Variants in CPXM2 observed in about 807,000 individuals in gnomAD.
CPXM2 encodes the protein inactive carboxypeptidase-like protein X2.
A neutral mutation model predicts 86.1 loss-of-function variants in CPXM2; 66 were observed. That is an observed-to-expected ratio of 0.77 (90% CI 0.63 to 0.94). The LOEUF (loss-of-function observed/expected upper bound fraction) is 0.94, where lower values mean the gene tolerates loss of function less well. Among genes scored for constraint, CPXM2 ranks in the 40% least tolerant of loss-of-function variants. The pLI is 0.00. For missense variants in CPXM2, 948 were observed against 1,026.3 expected, an observed-to-expected ratio of 0.92 and a Z score of 1.04; for synonymous variants, 388 against 400.2, an observed-to-expected ratio of 0.97 and a Z score of 0.36.
intron 1 of CPXM2, among the ~76,000 whole-genome samples, chr10:123,890,387 C>T (rs369276896): frequency 1.7e-4 from 26 of 152,342 alleles, no homozygotes; most frequent in African/African-American, 6.0e-4. Flanking sequence ...ACCCCTCCTC[C>T]ACTTTCCCAC....
chr10:123,883,282 G>A (rs1237397360), intron 1 of CPXM2, among the ~76,000 whole-genome samples: 2 of 152,374 alleles, frequency 1.3e-5, no homozygotes, highest in East Asian at 3.9e-4. Flanking sequence ...CAGCAGGCAG[G>A]GGCCCAGCAC....
At chr10:123,837,495 C>T (rs1848304069) in intron 4 of CPXM2, among the ~76,000 whole-genome samples, 1 of 152,166 alleles carries the variant, frequency 6.6e-6, no homozygotes, top group Non-Finnish European at 1.5e-5. Flanking sequence ...TCATTAGAAG[C>T]ATCTATTCAC....
At chr10:123,747,126 G>A (rs1845986220) in intron 13 of CPXM2, 109 bp from the exon 14 acceptor site, 1 of 1,334,102 alleles carries the variant, frequency 7.5e-7, no homozygotes, top group Admixed American at 2.3e-5. Context: ...TCTCAGGCTG[G>A]CAACGTGGAA....
Position 123,872,473 on chromosome 10 carries a change from C to G in CPXM2, c.403+7738G>C, listed in dbSNP as rs115347286. ...TGATGAATATTAAGTTCAAAACAGG[C>G]AAAAGTTGTATCTGATGGTGGTTAT... On this transcript the variant is annotated intron_variant, in intron 2 of 13. Coordinates refer to ENST00000241305, the MANE Select transcript of CPXM2 (RefSeq NM_198148.3). 4.2e-3 allele frequency among the ~76,000 whole-genome samples: 646 copies of G among 152,124 alleles called. 3 individuals carry two copies. Among genetic ancestry groups the G allele is most frequent in the African/African-American group, 0.015 (617 of 41,496 alleles).
intron 10 of CPXM2, 46 bp downstream of exon 10, chr10:123,766,927 A>T (rs1314157494): frequency 2.7e-6 from 4 of 1,485,576 alleles, no homozygotes; most frequent in Non-Finnish European, 2.8e-6. Flanking sequence ...ATGGAGGTTA[A>T]GCCTTGCCTT....
chr10:123,847,932 A>T (rs761534190), intron 3 of CPXM2, among the ~76,000 whole-genome samples: 14 of 152,034 alleles, frequency 9.2e-5, no homozygotes, highest in African/African-American at 1.2e-4. Context: ...ACACAGAAAC[A>T]TCTGGAAGCA....
chr10:123,880,152 C>A, intron 2 of CPXM2, 59 bp downstream of exon 2: 1 of 313,408 alleles, frequency 3.2e-6, no homozygotes, highest in Non-Finnish European at 6.3e-6. Flanking sequence ...CTGTACCCAC[C>A]CACCCTCCCT....
At chr10:123,843,326 G>T (rs1453369137) in intron 3 of CPXM2, 1 of 452,272 alleles carries the variant, frequency 2.2e-6, no homozygotes, top group African/African-American at 2.0e-5. Flanking sequence ...TTATCACCAT[G>T]TGAAGAGATA....
At position 123,778,436 on chromosome 10, in the gene CPXM2, T is replaced by C. The variant is rs1047971563; in HGVS notation, c.978+1731A>G. 3.3e-5 allele frequency among the ~76,000 whole-genome samples: 5 copies of C among 152,332 alleles called. 1 individual carries two copies. Among genetic ancestry groups the C allele is most frequent in the Middle Eastern group, 6.8e-3 (2 of 294 alleles). On this transcript the variant is annotated intron_variant, in intron 7 of 13. Coordinates refer to ENST00000241305, the MANE Select transcript of CPXM2 (RefSeq NM_198148.3). ...TCCTGGACAGTCTCTAGTTGATAAC[T>C]GCTGAGCTGTGGGATCGCACAGGGG...
intron 6 of CPXM2, among the ~76,000 whole-genome samples, chr10:123,782,972 A>C (rs544938914): frequency 7.9e-5 from 12 of 152,254 alleles, no homozygotes; most frequent in Non-Finnish European, 1.6e-4. Context: ...GGTAGTCCTC[A>C]GTGCTCATTA....
chr10:123,816,627 C>A (rs546044812), intron 4 of CPXM2, among the ~76,000 whole-genome samples: 3 of 152,198 alleles, frequency 2.0e-5, no homozygotes, highest in Non-Finnish European at 4.4e-5. Flanking sequence ...ATTCCTTGAG[C>A]AAATTAACAC....
chr10:123,795,844 C>T (rs866378364), intron 6 of CPXM2, among the ~76,000 whole-genome samples: 6 of 152,250 alleles, frequency 3.9e-5, no homozygotes, highest in South Asian at 4.1e-4. Context: ...CACGCACACA[C>T]CAAGAATAAC....
intron 4 of CPXM2, among the ~76,000 whole-genome samples, chr10:123,819,016 G>A (rs894809612): frequency 6.6e-6 from 1 of 152,096 alleles, no homozygotes; most frequent in South Asian, 2.1e-4. Context: ...TCCAGAGGGA[G>A]GAATGCTGCC....
At chr10:123,786,325 G>T (rs1166696000) in intron 6 of CPXM2, among the ~76,000 whole-genome samples, 1 of 152,146 alleles carries the variant, frequency 6.6e-6, no homozygotes, top group Non-Finnish European at 1.5e-5. Flanking sequence ...CGGACGGGTG[G>T]CAAAGGCTGC....
At chr10:123,938,091 ACT>A (rs1453466575) in intron 2 of CPXM2, among the ~76,000 whole-genome samples, 1 of 150,546 alleles carries the variant, frequency 6.6e-6, no homozygotes, top group African/African-American at 2.4e-5. Context: ...CCTCTTTCTG[ACT>A]CTCTCTTTAT....
chr10:123,857,589 G>A (rs900483715), intron 3 of CPXM2, among the ~76,000 whole-genome samples: 5 of 141,884 alleles, frequency 3.5e-5, no homozygotes, highest in Admixed American at 2.1e-4. Context: ...GATGGAAGGC[G>A]GCGTGGAGAT....
intron 6 of CPXM2, among the ~76,000 whole-genome samples, chr10:123,784,316 A>T (rs959848271): frequency 6.6e-6 from 1 of 152,166 alleles, no homozygotes; most frequent in African/African-American, 2.4e-5. Flanking sequence ...TGACAGCCCC[A>T]GAAGAAACCA....
chr10:123,770,842 G>A, intron 8 of CPXM2, 74 bp downstream of exon 8: 2 of 1,469,628 alleles, frequency 1.4e-6, no homozygotes, highest in South Asian at 1.3e-5. Context: ...TTCTCATAGG[G>A]TGAACAGTCT....
intron 1 of CPXM2, among the ~76,000 whole-genome samples, chr10:123,880,896 C>T (rs1590096503): frequency 6.7e-6 from 1 of 150,176 alleles, no homozygotes; most frequent in East Asian, 1.9e-4. Context: ...TCACTGAGGC[C>T]CAGAGACATC....
Sources: allele counts gnomAD v4.1 joint callset (sites outside exome capture counted in the v4.1 genomes callset), GRCh38; gene constraint gnomAD v4.1.1; transcripts MANE v1.5; gene names NCBI Gene and HGNC (gene_info 2026-07-23, HGNC 2026-07-21).